STARD13: variants seen among roughly 807,000 people sequenced by gnomAD.
STARD13 encodes the protein stAR-related lipid transfer protein 13.
In STARD13, 62 loss-of-function variants were observed where a neutral mutation model predicts 106.4. The ratio of observed to expected loss-of-function variants is 0.58; its 90% CI spans 0.48 to 0.72. The LOEUF (loss-of-function observed/expected upper bound fraction) is 0.72. Among genes scored for constraint, STARD13 ranks in the 30% least tolerant of loss-of-function variants. STARD13 has a pLI of 0.00. For synonymous variants in STARD13, 565 were observed against 553.0 expected, an observed-to-expected ratio of 1.02 and a Z score of -0.31; for missense variants, 1,387 against 1,424.0, an observed-to-expected ratio of 0.97 and a Z score of 0.42.
At chr13:33,293,962 T>C (rs894820380) in intron 1 of STARD13, among the ~76,000 whole-genome samples, 1 of 152,226 alleles carries the variant, frequency 6.6e-6, no homozygotes, top group East Asian at 1.9e-4. Flanking sequence ...CTATTAATTC[T>C]TTCCCTCTAG....
At chr13:33,247,971 T>A (rs1328159486) in intron 1 of STARD13, among the ~76,000 whole-genome samples, 1 of 152,218 alleles carries the variant, frequency 6.6e-6, no homozygotes, top group African/African-American at 2.4e-5. Flanking sequence ...TACCTCATCT[T>A]CTGGGGGGTC....
At chr13:33,286,700 T>C (rs1463145646), upstream of STARD13, among the ~76,000 whole-genome samples, 2 of 152,058 alleles carry the variant, frequency 1.3e-5, no homozygotes, top group Non-Finnish European at 2.9e-5. Flanking sequence ...GACATTTGGA[T>C]AGGCTTTTTA....
intron 8 of STARD13, among the ~76,000 whole-genome samples, chr13:33,115,577 A>T (rs940137702): frequency 6.6e-6 from 1 of 152,144 alleles, no homozygotes; most frequent in Non-Finnish European, 1.5e-5. Flanking sequence ...CTCAGGTGTG[A>T]GCTGCAATGT....
At chr13:33,173,326 C>T (rs1489983029) in intron 1 of STARD13, among the ~76,000 whole-genome samples, 3 of 152,206 alleles carry the variant, frequency 2.0e-5, no homozygotes, top group African/African-American at 7.2e-5. Flanking sequence ...TTTGGCCATA[C>T]ATTAAGCCAG....
chr13:33,148,871 T>A (rs900237391), intron 3 of STARD13, among the ~76,000 whole-genome samples: 1 of 152,188 alleles, frequency 6.6e-6, no homozygotes, highest in African/African-American at 2.4e-5. Context: ...AGAATGTTAT[T>A]CACCAGTAAA....
the STARD13 span, among the ~76,000 whole-genome samples, chr13:33,371,390 T>TC: frequency 6.6e-6 from 1 of 152,230 alleles, no homozygotes; most frequent in Admixed American, 6.5e-5. Context: ...CAGCATTTTG[T>TC]CACCTTACCA....
upstream of STARD13, among the ~76,000 whole-genome samples, chr13:33,351,531 C>G (rs2138627476): frequency 6.6e-6 from 1 of 152,290 alleles, no homozygotes; most frequent in East Asian, 1.9e-4. Context: ...GGGTGTCCTG[C>G]AGTTCACAAA....
upstream of STARD13, among the ~76,000 whole-genome samples, chr13:33,352,162 G>T (rs1353301371): frequency 6.6e-6 from 1 of 152,166 alleles, no homozygotes; most frequent in Non-Finnish European, 1.5e-5. Context: ...GTGACAGCCG[G>T]TTATATAGAC....
At chr13:33,518,308 A>G in the STARD13 span, among the ~76,000 whole-genome samples, 142 of 152,274 alleles carry the variant, frequency 9.3e-4, 1 homozygote, top group African/African-American at 3.1e-3. Flanking sequence ...GTATAAATTT[A>G]TCCATCGAAT....
chr13:33,164,022 C>G (rs1883053144), intron 3 of STARD13: 1 of 151,986 alleles, frequency 6.6e-6, no homozygotes, highest in Non-Finnish European at 1.5e-5. Context: ...ATTACCTTTA[C>G]AGAATCACAA....
the STARD13 span, among the ~76,000 whole-genome samples, chr13:33,577,917 G>A: frequency 1.3e-5 from 2 of 151,864 alleles, no homozygotes; most frequent in African/African-American, 4.8e-5. Context: ...TTAAGATAAT[G>A]AAAAGACAAG....
the STARD13 span, among the ~76,000 whole-genome samples, chr13:33,608,054 C>T: frequency 1.3e-5 from 2 of 152,166 alleles, no homozygotes; most frequent in African/African-American, 2.4e-5. Flanking sequence ...GGACTACAGG[C>T]ATGTGCCACC....
In STARD13 at chr13:33,130,560, T is replaced by C. The variant is rs962844546; in HGVS notation, c.388-271A>G. ...AAAGAGGTTTTGAATGCCTCCTTCC[T>C]TCCTCTCTAAGAAGTTTTCCCTGAC... On this transcript the variant is annotated intron_variant, in intron 4 of 13. Coordinates refer to ENST00000336934, the MANE Select transcript of STARD13 (RefSeq NM_178006.4). This position sits in a 1 kb window ranked among gnomAD's most constrained non-coding sequence, Gnocchi z 4.1. Among the ~76,000 whole-genome samples, 1 of 152,202 alleles carries C rather than the reference T, an allele frequency of 6.6e-6. No individual in the cohort carries two copies. Among genetic ancestry groups the C allele is most frequent in the Non-Finnish European group, 1.5e-5 (1 of 68,034 alleles).
the STARD13 span, among the ~76,000 whole-genome samples, chr13:33,512,694 C>G: frequency 6.6e-6 from 1 of 152,096 alleles, no homozygotes; most frequent in Admixed American, 6.6e-5. Flanking sequence ...GTTTTGAACT[C>G]CTGACCTCAG....
intron 11 of STARD13, 100 bp downstream of exon 11, chr13:33,110,586 A>C (rs1874388305): frequency 1.0e-6 from 1 of 995,384 alleles, no homozygotes; most frequent in South Asian, 1.4e-5. Context: ...CGTGTGTGCC[A>C]AGCCCTGTGG....
intron 1 of STARD13, among the ~76,000 whole-genome samples, chr13:33,335,688 G>T (rs2077888278): frequency 6.6e-6 from 1 of 152,248 alleles, no homozygotes; most frequent in African/African-American, 2.4e-5. Flanking sequence ...AACCAACGAG[G>T]TGTGTGGAGG....
rs1016867913 is a variant in STARD13 at position 33,117,533 on chromosome 13, T to TA, written c.2281+531dup. The TA allele has an allele frequency of 5.0e-5, 39 of 782,122 alleles. No individual in the cohort carries two copies. In the East Asian group the frequency reaches 6.4e-4, roughly 13 times the overall value. The allele number at this position is 782,122 out of a possible 1,614,324, so 48.4% of individuals were successfully genotyped here. A position where few individuals can be genotyped will look rare whatever the true frequency, so the allele number is the denominator to read the frequency against. On this transcript the variant is annotated intron_variant, in intron 8 of 13. Transcript: ENST00000336934. ...GGCTTTGCTGAGAACTTAACATTAT[T>TA]AAAAAAAATCCAAGTGAAAATATAA...
At chr13:33,662,261 C>CAAA in the STARD13 span, among the ~76,000 whole-genome samples, 1,314 of 124,732 alleles carry the variant, frequency 0.011, 28 homozygotes, top group African/African-American at 0.034. Context: ...GACCCCGTCT[C>CAAA]AAAAAAAAAA....
chr13:33,598,626 A>G, the STARD13 span, among the ~76,000 whole-genome samples: 1 of 152,270 alleles, frequency 6.6e-6, no homozygotes, highest in African/African-American at 2.4e-5. Context: ...TATTAATACA[A>G]CTGATATTTT....
Sources: gnomAD v4.1 joint callset for allele counts (sites outside exome capture counted in the v4.1 genomes callset) on GRCh38, gnomAD v4.1.1 for gene constraint, Gnocchi (gnomAD v3.1) non-coding constraint, MANE v1.5 for transcripts, NCBI Gene and HGNC (gene_info 2026-07-23, HGNC 2026-07-21) for gene names.